Variants in KIAA0319L observed in about 807,000 individuals in gnomAD.
KIAA0319L encodes KIAA0319 like.
Under a neutral mutation model 120.1 loss-of-function variants are expected in KIAA0319L, and 55 were observed. The observed-to-expected ratio is 0.46, with a 90% CI of 0.37 to 0.57. The LOEUF is 0.57. Ranked by LOEUF, KIAA0319L falls within the 20% of genes least tolerant of loss-of-function variation. The pLI is 0.00. For synonymous variants in KIAA0319L, 398 were observed against 471.9 expected (o/e 0.84, Z 2.03); for missense variants, 1,049 against 1,255.3 (o/e 0.84, Z 2.48).
At chr1:35,522,138 A>AG (rs1261891048) in intron 2 of KIAA0319L, among the ~76,000 whole-genome samples, 2 of 152,128 alleles carry the variant, frequency 1.3e-5, no homozygotes, top group Non-Finnish European at 2.9e-5. Flanking sequence ...CAATTTGTTG[A>AG]GGGGGGAGAA....
rs370352740 is a variant in KIAA0319L, at chr1:35,463,430, G to A, written c.1202-717C>T. Among the ~76,000 whole-genome samples, 63 of 152,246 alleles carry A rather than the reference G, an allele frequency of 4.1e-4. 1 individual carries two copies. In the South Asian group the frequency reaches 6.0e-3, roughly 15 times the overall value. On this transcript the variant is annotated intron_variant, in intron 7 of 20. Coordinates refer to ENST00000325722, the MANE Select transcript of KIAA0319L (RefSeq NM_024874.5). ...CAATAAAGACCTTGGCAATCAAACC[G>A]TCCCTTGGCACAGACTGTGCTGAAA...
At chr1:35,466,107 T>C (rs1168077948) in intron 7 of KIAA0319L, among the ~76,000 whole-genome samples, 1 of 152,210 alleles carries the variant, frequency 6.6e-6, no homozygotes, top group Non-Finnish European at 1.5e-5. Context: ...TCCTTCCTAC[T>C]GCACTGTGAT....
intron 5 of KIAA0319L, among the ~76,000 whole-genome samples, chr1:35,471,572 A>T (rs1245741990): frequency 5.3e-5 from 8 of 152,192 alleles, no homozygotes; most frequent in Admixed American, 2.6e-4. Flanking sequence ...ACCCACTTGC[A>T]GGTCAGACTA....
At position 35,460,554 on chromosome 1, in the gene KIAA0319L, T is replaced by C. The variant is rs1642818856; in HGVS notation, c.1295-117A>G. 1.3e-5 allele frequency: 11 copies of C among 837,384 alleles called. No homozygotes were observed. The South Asian group carries it at 1.8e-4, about 14-fold the overall frequency. The allele number at this position is 837,384 out of a possible 1,614,324, so 51.9% of individuals were successfully genotyped here. On this transcript the variant is annotated intron_variant, in intron 8 of 20. Coordinates refer to ENST00000325722, the MANE Select transcript of KIAA0319L (RefSeq NM_024874.5). Reference sequence around the variant, plus strand: ...TTGAAGCTAGGAAAACTTCATGAAATTACAGACTATCTCTCCAGAATGTTT... The same window carrying C: ...TTGAAGCTAGGAAAACTTCATGAAACTACAGACTATCTCTCCAGAATGTTT...
chr1:35,541,476 A>C (rs913868641), intron 2 of KIAA0319L, among the ~76,000 whole-genome samples: 1 of 150,198 alleles, frequency 6.7e-6, no homozygotes, highest in East Asian at 2.0e-4. Flanking sequence ...CAGCCTCCTG[A>C]GTAGCTGGGA....
At chr1:35,504,410 A>C (rs1405619160) in intron 3 of KIAA0319L, among the ~76,000 whole-genome samples, 2 of 152,050 alleles carry the variant, frequency 1.3e-5, no homozygotes, top group East Asian at 1.9e-4. Context: ...GTTATCCAGA[A>C]TGGTCTCGAT....
At chr1:35,440,281 C>T (rs1227820598) in intron 20 of KIAA0319L, 2 of 152,234 alleles carry the variant, frequency 1.3e-5, no homozygotes, top group African/African-American at 4.8e-5. Flanking sequence ...TGTCTGATGA[C>T]TCCCTATACC....
intron 2 of KIAA0319L, among the ~76,000 whole-genome samples, chr1:35,545,878 G>C (rs748837740): frequency 6.6e-6 from 1 of 152,090 alleles, no homozygotes; most frequent in Non-Finnish European, 1.5e-5. Context: ...CTGGGCGACA[G>C]AGCAAGACTG....
At chr1:35,505,770 C>A (rs1035960564) in intron 3 of KIAA0319L, among the ~76,000 whole-genome samples, 2 of 152,170 alleles carry the variant, frequency 1.3e-5, no homozygotes, top group African/African-American at 4.8e-5. Flanking sequence ...ACTGTTTAAC[C>A]TCTCTGGGCC....
At chr1:35,504,910 C>G (rs947245849) in intron 3 of KIAA0319L, among the ~76,000 whole-genome samples, 1 of 152,186 alleles carries the variant, frequency 6.6e-6, no homozygotes, top group Admixed American at 6.5e-5. Context: ...CAACACCAGT[C>G]TCTCCCAATT....
intron 3 of KIAA0319L, among the ~76,000 whole-genome samples, chr1:35,486,211 C>T (rs1488250763): frequency 6.6e-6 from 1 of 151,618 alleles, no homozygotes; most frequent in Non-Finnish European, 1.5e-5. Context: ...AGTGAGACCC[C>T]GTGTCTACAA....
chr1:35,512,138 C>T (rs968797187), intron 2 of KIAA0319L, among the ~76,000 whole-genome samples: 19 of 151,870 alleles, frequency 1.3e-4, no homozygotes, highest in African/African-American at 4.6e-4. Flanking sequence ...GGTGTGGTGG[C>T]ACACATCTGT....
intron 4 of KIAA0319L, among the ~76,000 whole-genome samples, chr1:35,477,694 A>G (rs1643960567): frequency 1.3e-5 from 2 of 150,406 alleles, no homozygotes; most frequent in African/African-American, 2.5e-5. Flanking sequence ...AAAAACCTAC[A>G]GTGAGATATC....
At chr1:35,513,832 TGA>T (rs1645571841) in intron 2 of KIAA0319L, among the ~76,000 whole-genome samples, 2 of 152,186 alleles carry the variant, frequency 1.3e-5, no homozygotes, top group African/African-American at 4.8e-5. Flanking sequence ...TTTATATTTG[TGA>T]GAGTGATGTC....
chr1:35,464,093 A>G (rs1371150635), intron 7 of KIAA0319L, among the ~76,000 whole-genome samples: 3 of 152,182 alleles, frequency 2.0e-5, no homozygotes, highest in Non-Finnish European at 4.4e-5. Context: ...GTGTGAAAAC[A>G]TACTGACACA....
At chr1:35,477,812 A>G (rs1643966722) in intron 4 of KIAA0319L, among the ~76,000 whole-genome samples, 1 of 152,214 alleles carries the variant, frequency 6.6e-6, no homozygotes, top group Admixed American at 6.5e-5. Flanking sequence ...GGGAATGTAA[A>G]TTAGTACAAC....
intron 2 of KIAA0319L, among the ~76,000 whole-genome samples, chr1:35,512,608 C>T (rs1166022236): frequency 6.6e-6 from 1 of 151,962 alleles, no homozygotes; most frequent in Non-Finnish European, 1.5e-5. Context: ...GTGGCTCATG[C>T]CTGTAATCCC....
At chr1:35,472,248 AAG>A (rs1254541873) in intron 5 of KIAA0319L, among the ~76,000 whole-genome samples, 1 of 152,190 alleles carries the variant, frequency 6.6e-6, no homozygotes, top group African/African-American at 2.4e-5. Context: ...CTCTGTTAGA[AAG>A]AGTGCTGGTT....
chr1:35,524,492 AG>A (rs1646044848), intron 2 of KIAA0319L, among the ~76,000 whole-genome samples: 1 of 152,218 alleles, frequency 6.6e-6, no homozygotes, highest in African/African-American at 2.4e-5. Context: ...ATGTTCAATG[AG>A]GGAAGAAAGA....
Sources: allele counts gnomAD v4.1 joint callset (sites outside exome capture counted in the v4.1 genomes callset), GRCh38; gene constraint gnomAD v4.1.1; transcripts MANE v1.5; gene names NCBI Gene and HGNC (gene_info 2026-07-23, HGNC 2026-07-21).